TANK: variants seen among roughly 807,000 people sequenced by gnomAD.
The protein encoded by TANK is TRAF family member-associated NF-kappa-B activator.
Under a neutral mutation model 43.6 loss-of-function variants are expected in TANK, and 15 were observed. The observed-to-expected ratio is 0.34, with a 90% confidence interval of 0.23 to 0.53. The LOEUF (loss-of-function observed/expected upper bound fraction) is 0.53. Ranked by LOEUF, TANK falls within the 20% of genes least tolerant of loss-of-function variation. The probability of loss-of-function intolerance (pLI) is 0.94; values close to 1 mark genes in which losing one functional copy is unlikely to be tolerated. For synonymous variants in TANK, 162 were observed against 178.2 expected, an observed-to-expected ratio of 0.91 and a Z score of 0.73; for missense variants, 417 against 498.6, an observed-to-expected ratio of 0.84 and a Z score of 1.56.
At chr2:161,144,679 A>G (rs1309065000) in intron 1 of TANK, among the ~76,000 whole-genome samples, 1 of 151,876 alleles carries the variant, frequency 6.6e-6, no homozygotes, top group East Asian at 1.9e-4. Context: ...TTATAATTTC[A>G]GTTCTTTTGC....
At position 161,205,342 on chromosome 2, in the gene TANK, A is replaced by G. The variant is rs182815950; in HGVS notation, c.327+549A>G. 1.3e-3 allele frequency among the ~76,000 whole-genome samples: 195 copies of G among 152,192 alleles called. 2 individuals are homozygous for G. The highest frequency in any genetic ancestry group is 4.6e-3 in the African/African-American group (192 of 41,530). ...TCTAAATAAATAAATAAATGAATTA[A>G]TGAATGAATGCCACATACATATGTA... is the stretch of plus-strand genomic sequence containing the variant. On this transcript the variant is annotated intron_variant, in intron 4 of 7. Coordinates refer to ENST00000392749, the MANE Select transcript of TANK (RefSeq NM_001199135.3).
chr2:161,165,851 G>A (rs537357461), intron 1 of TANK, among the ~76,000 whole-genome samples: 1 of 152,228 alleles, frequency 6.6e-6, no homozygotes, highest in African/African-American at 2.4e-5. Flanking sequence ...AGCCAACTGA[G>A]CAGTGCCATG....
rs12469874 is a variant in TANK at position 161,194,083 on chromosome 2, A to G, written c.100-9404A>G. ...CCACTGTTCCATGAGAGAAATTTCT[A>G]TTGCTTCTTTGACCATCTTTCCAAG... is the stretch of plus-strand genomic sequence containing the variant. On this transcript the variant is annotated intron_variant, in intron 2 of 7. Coordinates refer to ENST00000392749, the MANE Select transcript of TANK (RefSeq NM_001199135.3). Among the ~76,000 whole-genome samples, 1,811 of 152,240 alleles carry G rather than the reference A, an allele frequency of 0.012. 94 individuals are homozygous for G. In the East Asian group the frequency reaches 0.17, roughly 14 times the overall value.
chr2:161,174,055 A>G (rs1685072076), intron 1 of TANK, among the ~76,000 whole-genome samples: 1 of 152,182 alleles, frequency 6.6e-6, no homozygotes, highest in East Asian at 1.9e-4. Context: ...GAAGGAGAGA[A>G]TAGATATTGA....
Position 161,204,689 on chromosome 2 carries a change from T to C in TANK, c.223T>C (p.Cys75Arg), listed in dbSNP as rs1257896422. 1 of 1,609,898 alleles carries C rather than the reference T, an allele frequency of 6.2e-7. No individual in the cohort carries two copies. The highest frequency in any genetic ancestry group is 1.3e-5 in the African/African-American group (1 of 74,578). The change falls in exon 4 of 8, where the codon TGT becomes CGT. Residue 75 changes from cysteine to arginine, a missense_variant. Coordinates refer to ENST00000392749, the MANE Select transcript of TANK (RefSeq NM_001199135.3). ...TTGTCTTGCAGATAACAATTATGGC[T>C]GTGTTCCTCTGCTTGAAGACAGTGA... ...VNSTQDNNYG[C>R]VPLLEDSETR...
intron 1 of TANK, among the ~76,000 whole-genome samples, chr2:161,177,453 C>T (rs1056619660): frequency 6.6e-6 from 1 of 152,062 alleles, no homozygotes; most frequent in Non-Finnish European, 1.5e-5. Flanking sequence ...ATAGCCCTTT[C>T]AACAAATAAT....
intron 2 of TANK, among the ~76,000 whole-genome samples, chr2:161,180,354 G>A (rs1458771169): frequency 6.6e-6 from 1 of 152,052 alleles, no homozygotes; most frequent in Non-Finnish European, 1.5e-5. Context: ...TGGAGGAAAG[G>A]CATATCCAGG....
At chr2:161,173,254 C>T (rs764596102) in intron 1 of TANK, among the ~76,000 whole-genome samples, 10 of 152,126 alleles carry the variant, frequency 6.6e-5, no homozygotes, top group Admixed American at 1.3e-4. Flanking sequence ...ACCCTCACCT[C>T]GCTATCATCT....
chr2:161,151,098 T>G (rs1684067185), intron 1 of TANK, among the ~76,000 whole-genome samples: 1 of 152,232 alleles, frequency 6.6e-6, no homozygotes, highest in African/African-American at 2.4e-5. Context: ...TAGTTTTCCT[T>G]GTATTAACTT....
intron 1 of TANK, among the ~76,000 whole-genome samples, chr2:161,177,825 A>G (rs1270674038): frequency 6.6e-6 from 1 of 152,112 alleles, no homozygotes; most frequent in Non-Finnish European, 1.5e-5. Flanking sequence ...TTAAAATTTA[A>G]CAATAAAAAG....
At chr2:161,140,100 T>C in intron 1 of TANK, 2 of 233,618 alleles carry the variant, frequency 8.6e-6, no homozygotes, top group Non-Finnish European at 1.4e-5. Context: ...CTGATAGGTT[T>C]CAGTTTTAAA....
intron 3 of TANK, 66 bp downstream of exon 3, chr2:161,203,661 G>C: frequency 1.0e-6 from 1 of 999,242 alleles, no homozygotes; most frequent in Non-Finnish European, 1.5e-6. Flanking sequence ...TGTAAGTTGA[G>C]TTTTTCTATT....
At chr2:161,202,833 G>A (rs761977859) in intron 2 of TANK, 2 of 465,862 alleles carry the variant, frequency 4.3e-6, no homozygotes, top group Non-Finnish European at 8.9e-6. Flanking sequence ...GTACAAACTT[G>A]TGTCTTTTTT....
intron 6 of TANK, among the ~76,000 whole-genome samples, chr2:161,225,666 A>G (rs1460777517): frequency 1.3e-5 from 2 of 152,286 alleles, no homozygotes; most frequent in East Asian, 1.9e-4. Context: ...GATTTGAGCT[A>G]TTCTGCAGAC....
At chr2:161,169,258 A>C (rs1453832724) in intron 1 of TANK, among the ~76,000 whole-genome samples, 1 of 152,214 alleles carries the variant, frequency 6.6e-6, no homozygotes, top group Admixed American at 6.5e-5. Flanking sequence ...AAGAGATAGA[A>C]TACCTGACGT....
intron 2 of TANK, among the ~76,000 whole-genome samples, chr2:161,189,939 G>A (rs79745765): frequency 0.015 from 2,318 of 152,202 alleles, 23 homozygotes; most frequent in Non-Finnish European, 0.023. Flanking sequence ...GACTTTTTGC[G>A]TATGACACTG....
intron 2 of TANK, among the ~76,000 whole-genome samples, chr2:161,196,722 C>T (rs1330869207): frequency 2.6e-5 from 4 of 151,808 alleles, no homozygotes. Context: ...AGGTGTGATG[C>T]GGGAGCGCTT....
chr2:161,202,700 A>G (rs1686475613), intron 2 of TANK, among the ~76,000 whole-genome samples: 1 of 152,136 alleles, frequency 6.6e-6, no homozygotes, highest in Non-Finnish European at 1.5e-5. Context: ...AGGGATAGAA[A>G]TTGGTTAAAA....
chr2:161,224,775 T>G lies in TANK; in HGVS notation c.520+29T>G, dbSNP rs369428301. 120 of 1,254,466 alleles carry G rather than the reference T, an allele frequency of 9.6e-5. No homozygotes were observed. The African/African-American group carries it at 1.8e-3, about 19-fold the overall frequency. 77.7% of individuals were successfully genotyped at this position (1,254,466 alleles called of 1,614,324 possible). A position where few individuals can be genotyped will look rare whatever the true frequency, so the allele number is the denominator to read the frequency against. On this transcript the variant is annotated intron_variant, in intron 6 of 7. Coordinates refer to ENST00000392749, the MANE Select transcript of TANK (RefSeq NM_001199135.3). ...AGATTTAATTTAATTTACAGTAATA[T>G]TGATTTGCTTGATTGAAATTGATTT... is the stretch of plus-strand genomic sequence containing the variant.
Sources: gnomAD v4.1 joint callset for allele counts (sites outside exome capture counted in the v4.1 genomes callset) on GRCh38, gnomAD v4.1.1 for gene constraint, MANE v1.5 for transcripts, NCBI Gene and HGNC (gene_info 2026-07-23, HGNC 2026-07-21) for gene names.